CENPI: variants seen among roughly 807,000 people sequenced by gnomAD.
CENPI encodes centromere protein I.
A neutral mutation model predicts 60.4 loss-of-function variants in CENPI; 4 were observed. The ratio of observed to expected loss-of-function variants is 0.07; its 90% CI spans 0.03 to 0.15. The LOEUF is 0.15. Ranked by LOEUF, CENPI falls within the 10% of genes least tolerant of loss-of-function variation. The probability of loss-of-function intolerance (pLI) is 1.00; values close to 1 mark genes in which losing one functional copy is unlikely to be tolerated. For synonymous variants in CENPI, 157 were observed against 189.4 expected (o/e 0.83, Z 1.40); for missense variants, 444 against 534.5 (o/e 0.83, Z 1.67).
intron 21 of CENPI, among the ~76,000 whole-genome samples, chrX:101,162,473 A>ATATATATATATATATATATATATAT (rs1556409814): frequency 1.6e-4 from 11 of 68,108 alleles, no homozygotes; most frequent in African/African-American, 7.6e-4. Flanking sequence ...AAAAAAAAAA[A>ATATATATATATATATATATATATAT]ATATATATAT....
chrX:101,119,161 CAA>C (rs2089651731), intron 6 of CENPI, among the ~76,000 whole-genome samples: 1 of 111,683 alleles, frequency 9.0e-6, no homozygotes, highest in Non-Finnish European at 1.9e-5. Flanking sequence ...GCCTGGGCAA[CAA>C]GAGTGAAACT....
intron 16 of CENPI, among the ~76,000 whole-genome samples, chrX:101,141,842 C>G (rs1248781227): frequency 2.7e-5 from 3 of 110,977 alleles, no homozygotes; most frequent in African/African-American, 9.9e-5. Context: ...AAGCAATCCT[C>G]CCACCTCAGC....
intron 15 of CENPI, among the ~76,000 whole-genome samples, chrX:101,134,539 G>A (rs1181634038): frequency 9.0e-6 from 1 of 111,458 alleles, no homozygotes; most frequent in East Asian, 2.8e-4. Flanking sequence ...AATTTGGAAT[G>A]ATGCCAATCT....
At chrX:101,180,793 G>T in the CENPI span, among the ~76,000 whole-genome samples, 1,286 of 110,964 alleles carry the variant, frequency 0.012, 21 homozygotes, top group African/African-American at 0.04. Context: ...TAGAGAGAGG[G>T]TCTTGCTCTG....
At chrX:101,156,481 T>C (rs2090053473) in intron 20 of CENPI, among the ~76,000 whole-genome samples, 1 of 111,812 alleles carries the variant, frequency 8.9e-6, no homozygotes, top group Non-Finnish European at 1.9e-5. Context: ...ATTTATTTAT[T>C]TGTTTATTTA....
chrX:101,154,210 T>G (rs2148250218), intron 20 of CENPI, among the ~76,000 whole-genome samples: 1 of 112,054 alleles, frequency 8.9e-6, no homozygotes. Context: ...TTTTCAAGAT[T>G]GTTTTGGCTA....
intron 2 of CENPI, chrX:101,099,931 G>A (rs2089395201): frequency 9.2e-6 from 1 of 109,043 alleles, no homozygotes; most frequent in South Asian, 4.0e-4. Context: ...AGGACTACAG[G>A]CACGTGCGGC....
intron 15 of CENPI, among the ~76,000 whole-genome samples, chrX:101,137,811 G>A (rs368952939): frequency 2.3e-4 from 23 of 101,758 alleles, no homozygotes; most frequent in African/African-American, 6.8e-4. Context: ...GCAGTATCTC[G>A]TAACAGGTAG....
At chrX:101,108,476 A>G (rs1373725477) in intron 4 of CENPI, among the ~76,000 whole-genome samples, 1 of 110,285 alleles carries the variant, frequency 9.1e-6, no homozygotes, top group Non-Finnish European at 1.9e-5. Context: ...GATTATAGGC[A>G]TGTGTCACCA....
chrX:101,106,996 G>C (rs2089490442), intron 4 of CENPI, among the ~76,000 whole-genome samples: 1 of 104,412 alleles, frequency 9.6e-6, no homozygotes, highest in Admixed American at 1.1e-4. Flanking sequence ...AGGAATTTGA[G>C]GTTGTTATGA....
intron 6 of CENPI, among the ~76,000 whole-genome samples, chrX:101,117,099 A>T (rs1177768036): frequency 1.8e-5 from 2 of 111,913 alleles, no homozygotes. Context: ...GATACAAGAT[A>T]TATGATTTAC....
downstream of CENPI, among the ~76,000 whole-genome samples, chrX:101,170,992 A>G (rs2090155727): frequency 8.9e-6 from 1 of 112,053 alleles, no homozygotes; most frequent in Non-Finnish European, 1.9e-5. Context: ...AGGTGAACCA[A>G]AAATTCAAAT....
chrX:101,146,130 G>C (rs982470944), intron 17 of CENPI, 23 bp from the exon 18 acceptor site: 4 of 1,185,257 alleles, frequency 3.4e-6, no homozygotes, highest in Non-Finnish European at 4.6e-6. Flanking sequence ...TCTGTATACT[G>C]ATGTTATCAT....
chrX:101,148,530 T>C (rs1276775374), intron 20 of CENPI, among the ~76,000 whole-genome samples: 1 of 112,190 alleles, frequency 8.9e-6, no homozygotes, highest in Non-Finnish European at 1.9e-5. Context: ...TCTCATAAAA[T>C]CCTTCTAGAC....
chrX:101,151,965 G>T (rs1427482441), intron 20 of CENPI, among the ~76,000 whole-genome samples: 1 of 110,710 alleles, frequency 9.0e-6, no homozygotes, highest in Admixed American at 9.7e-5. Context: ...ATTCCCAAAA[G>T]AAACATCACA....
At chrX:101,107,559 G>A (rs1273470574) in intron 4 of CENPI, among the ~76,000 whole-genome samples, 1 of 109,852 alleles carries the variant, frequency 9.1e-6, no homozygotes, top group Admixed American at 9.9e-5. Context: ...GTTTCACCAT[G>A]TTGGCCATGC....
At chrX:101,157,222 C>T (rs1181743958) in intron 20 of CENPI, among the ~76,000 whole-genome samples, 2 of 111,750 alleles carry the variant, frequency 1.8e-5, no homozygotes, top group African/African-American at 6.5e-5. Flanking sequence ...ACTTATGACT[C>T]ACCAGACTTG....
the CENPI span, among the ~76,000 whole-genome samples, chrX:101,178,965 TGATAA>T: frequency 1.8e-5 from 2 of 112,575 alleles, no homozygotes; most frequent in African/African-American, 3.2e-5. Flanking sequence ...AGGCGAGTTT[TGATAA>T]GATAACTGAT....
chrX:101,132,852 A>C (rs530010367), intron 15 of CENPI, among the ~76,000 whole-genome samples: 7 of 111,891 alleles, frequency 6.3e-5, no homozygotes, highest in African/African-American at 2.3e-4. Context: ...AGTAGTGACC[A>C]AAGCAAACAA....
Sources: gnomAD v4.1 joint callset for allele counts (sites outside exome capture counted in the v4.1 genomes callset) on GRCh38, gnomAD v4.1.1 for gene constraint, MANE v1.5 for transcripts, NCBI Gene and HGNC (gene_info 2026-07-23, HGNC 2026-07-21) for gene names.